ZZEF1: variants seen among roughly 807,000 people sequenced by gnomAD.
The protein encoded by ZZEF1 is zinc finger ZZ-type and EF-hand domain-containing protein 1.
A neutral mutation model predicts 342.8 loss-of-function variants in ZZEF1; 157 were observed. That is an observed-to-expected ratio of 0.46 (90% CI 0.40 to 0.52). ZZEF1 has a LOEUF of 0.52. Ranked by LOEUF, ZZEF1 falls within the 20% of genes least tolerant of loss-of-function variation. The probability of loss-of-function intolerance (pLI) is 0.00; values close to 1 mark genes in which losing one functional copy is unlikely to be tolerated. For missense variants in ZZEF1, 3,480 were observed against 3,725.6 expected, an observed-to-expected ratio of 0.93 and a Z score of 1.72; for synonymous variants, 1,505 against 1,429.1, an observed-to-expected ratio of 1.05 and a Z score of -1.20.
chr17:4,022,366 G>C (rs1016713425), intron 44 of ZZEF1: 5 of 208,910 alleles, frequency 2.4e-5, no homozygotes, highest in Non-Finnish European at 4.9e-5. Context: ...ACATAAGTGA[G>C]GACAAATTTA....
rs775689043 is a variant in ZZEF1, at chr17:4,014,550, G to A, written c.8146-35C>T. 6.2e-7 allele frequency: 1 copy of A among 1,609,246 alleles called. No homozygotes were observed. Among genetic ancestry groups the A allele is most frequent in the Admixed American group, 1.7e-5 (1 of 59,978 alleles). Reference sequence around the variant, plus strand: ...GGAAATGGAGAACACATCTGTCGATGCTGCTCACTAGACACTGACTGCAGC... The same window carrying A: ...GGAAATGGAGAACACATCTGTCGATACTGCTCACTAGACACTGACTGCAGC... On this transcript the variant is annotated intron_variant, in intron 49 of 54. Coordinates refer to ENST00000381638, the MANE Select transcript of ZZEF1 (RefSeq NM_015113.4). The surrounding 1 kb of genome is among the most constrained non-coding windows in gnomAD (Gnocchi z 4.4).
At chr17:4,094,287 G>A (rs1432943036) in intron 11 of ZZEF1, among the ~76,000 whole-genome samples, 3 of 151,978 alleles carry the variant, frequency 2.0e-5, no homozygotes, top group Non-Finnish European at 4.4e-5. Context: ...GACTACAGGC[G>A]CGTGATACCA....
chr17:4,044,710 G>C (rs774348970), intron 37 of ZZEF1, among the ~76,000 whole-genome samples: 1 of 151,666 alleles, frequency 6.6e-6, no homozygotes, highest in Non-Finnish European at 1.5e-5. Context: ...GTAGAGACAG[G>C]GTTTCACCAT....
At chr17:4,046,198 T>C (rs952992913) in intron 37 of ZZEF1, among the ~76,000 whole-genome samples, 1 of 152,182 alleles carries the variant, frequency 6.6e-6, no homozygotes, top group African/African-American at 2.4e-5. Context: ...CAATGAGACT[T>C]GTTAAAGGGG....
At position 4,114,314 on chromosome 17, in the gene ZZEF1, C is replaced by G. The variant is rs1165609641; in HGVS notation, c.851G>C (p.Cys284Ser). The G allele has an allele frequency of 1.9e-6, 3 of 1,600,382 alleles. No homozygotes were observed. Among genetic ancestry groups the G allele is most frequent in the Non-Finnish European group, 1.7e-6 (2 of 1,174,660 alleles). ...TACCACCCACCGAATCCAGTGTGAA[C>G]AGGCACTGCCATCTGACTGCCAGTA... The part of the protein sequence containing the change: ...SSYWQSDGSA[C>S]SHWIRLKMKP... Residue 284 changes from cysteine to serine, a missense_variant, in exon 4 of 55, where the codon TGT becomes TCT. Cys to Ser is a moderately radical substitution (Grantham distance 112). This residue lies in a region of ZZEF1 where 92 missense variants were observed against 130.3 expected (regional missense o/e 0.71). Transcript: ENST00000381638.
chr17:4,011,050 A>G (rs1158390160), intron 52 of ZZEF1, among the ~76,000 whole-genome samples: 1 of 151,806 alleles, frequency 6.6e-6, no homozygotes. Context: ...ATGGTGCCAC[A>G]CTGCACTCTA....
intron 1 of ZZEF1, 67 bp downstream of exon 1, chr17:4,142,475 C>T (rs1428086490): frequency 6.6e-7 from 1 of 1,526,454 alleles, no homozygotes; most frequent in East Asian, 2.4e-5. Context: ...CAAATGCCCA[C>T]CTCTTCCTTC....
At chr17:4,066,856 G>A (rs549895601) in intron 27 of ZZEF1, among the ~76,000 whole-genome samples, 179 of 88,624 alleles carry the variant, frequency 2.0e-3, no homozygotes, top group Non-Finnish European at 3.2e-3. Context: ...ACATCTCTAC[G>A]TGATGCTGAG....
intron 18 of ZZEF1, among the ~76,000 whole-genome samples, chr17:4,078,364 A>C (rs1179965620): frequency 1.3e-5 from 2 of 152,106 alleles, no homozygotes; most frequent in Non-Finnish European, 2.9e-5. Context: ...CCTTCCCTCA[A>C]GCCTTTAATC....
intron 42 of ZZEF1, 27 bp from the exon 43 acceptor site, chr17:4,025,145 G>A (rs775146179): frequency 1.6e-5 from 25 of 1,609,468 alleles, no homozygotes; most frequent in Non-Finnish European, 2.0e-5. Context: ...GGCAGAAAAA[G>A]AAAGGCACAA....
intron 11 of ZZEF1, among the ~76,000 whole-genome samples, chr17:4,092,654 T>G (rs1166914557): frequency 6.6e-6 from 1 of 152,156 alleles, no homozygotes; most frequent in Non-Finnish European, 1.5e-5. Context: ...AAACCTTTCA[T>G]GACACAGTTA....
chr17:4,083,363 C>G (rs8074860), intron 16 of ZZEF1, among the ~76,000 whole-genome samples: 27,054 of 152,168 alleles, frequency 0.18, 2,461 homozygotes, highest in East Asian at 0.18. Context: ...AGAGACCCAC[C>G]CACAGTCCAG....
chr17:4,116,251 G>A (rs1252380130), intron 3 of ZZEF1, among the ~76,000 whole-genome samples: 2 of 152,208 alleles, frequency 1.3e-5, no homozygotes, highest in Non-Finnish European at 1.5e-5. Context: ...CCCAGGAGGT[G>A]GAGGCTGCAG....
Position 4,016,915 on chromosome 17 carries a change from C to T in ZZEF1, c.8002-449G>A. On this transcript the variant is annotated intron_variant, in intron 48 of 54. Transcript: ENST00000381638. This position sits in a 1 kb window ranked among gnomAD's most constrained non-coding sequence, Gnocchi z 4.4. The stretch of plus-strand genomic sequence containing the variant: ...GCAGGGTGGCTCCCTCTGTCCCTTC[C>T]GAAAGATAGATATGCTAGAGCAAGC... 5.2e-6 allele frequency: 1 copy of T among 192,894 alleles called. No individual in the cohort carries two copies. The highest frequency in any genetic ancestry group is 1.1e-5 in the Non-Finnish European group (1 of 92,664). 11.9% of individuals were successfully genotyped at this position (192,894 alleles called of 1,614,324 possible).
rs114784997 is a variant in ZZEF1, at chr17:4,055,534, A to C, written c.5295+682T>G. On this transcript the variant is annotated intron_variant, in intron 33 of 54. Coordinates refer to ENST00000381638, the MANE Select transcript of ZZEF1 (RefSeq NM_015113.4). ...ATACATAACGGCTGCTCCCATGCTCACCAGGCAGCCTTCTGATGGAAACGT... is the reference window on the plus strand; with the variant it reads ...ATACATAACGGCTGCTCCCATGCTCCCCAGGCAGCCTTCTGATGGAAACGT... Among the ~76,000 whole-genome samples the C allele has an allele frequency of 2.0e-3, 302 of 152,286 alleles. 1 individual carries two copies. The highest frequency in any genetic ancestry group is 6.8e-3 in the African/African-American group (282 of 41,552).
chr17:4,096,192 T>A (rs1311243822), intron 10 of ZZEF1, among the ~76,000 whole-genome samples: 1 of 152,190 alleles, frequency 6.6e-6, no homozygotes, highest in Non-Finnish European at 1.5e-5. Context: ...TTCAAAGACT[T>A]TACAGTCTAT....
intron 36 of ZZEF1, among the ~76,000 whole-genome samples, chr17:4,050,264 T>C (rs2057017103): frequency 6.6e-6 from 1 of 152,182 alleles, no homozygotes; most frequent in African/African-American, 2.4e-5. Flanking sequence ...CCTGGTTCCC[T>C]AATGTTGACT....
intron 30 of ZZEF1, among the ~76,000 whole-genome samples, chr17:4,061,581 T>C (rs1360851373): frequency 6.6e-6 from 1 of 152,216 alleles, no homozygotes; most frequent in Non-Finnish European, 1.5e-5. Context: ...ACAAAAAAGA[T>C]TTCCAGCTTA....
chr17:4,059,998 C>G (rs1275342643), intron 30 of ZZEF1, among the ~76,000 whole-genome samples: 1 of 152,252 alleles, frequency 6.6e-6, no homozygotes, highest in East Asian at 1.9e-4. Context: ...ATCTACTACT[C>G]CTGCCATGCT....
Sources: gnomAD v4.1 joint callset for allele counts (sites outside exome capture counted in the v4.1 genomes callset) on GRCh38, gnomAD v4.1.1 for gene constraint, gnomAD v4.1.1 regional missense constraint, Gnocchi (gnomAD v3.1) non-coding constraint, MANE v1.5 for transcripts, NCBI Gene and HGNC (gene_info 2026-07-23, HGNC 2026-07-21) for gene names.